EMILIN2: variants seen among roughly 807,000 people sequenced by gnomAD.
EMILIN2 encodes the protein EMILIN-2.
Under a neutral mutation model 87.1 loss-of-function variants are expected in EMILIN2, and 71 were observed. The observed-to-expected ratio is 0.82, with a 90% CI of 0.67 to 0.99. The LOEUF (loss-of-function observed/expected upper bound fraction) is 0.99, where lower values mean the gene tolerates loss of function less well. Among genes scored for constraint, EMILIN2 ranks in the 50% least tolerant of loss-of-function variants. The probability of loss-of-function intolerance (pLI) is 0.00; values close to 1 mark genes in which losing one functional copy is unlikely to be tolerated. For synonymous variants in EMILIN2, 581 were observed against 563.4 expected (o/e 1.03, Z -0.44); for missense variants, 1,407 against 1,371.8 (o/e 1.03, Z -0.40).
chr18:2,913,641 GAAGAC>G lies in EMILIN2; in HGVS notation c.*238_*242del. On this transcript the variant is annotated 3_prime_UTR_variant, in exon 8 of 8. Coordinates refer to ENST00000254528, the MANE Select transcript of EMILIN2 (RefSeq NM_032048.3). ...TTCTGCCACTCTAACTGGACAACTG[GAAGAC>G]TTGGAAAGGCCTCCACCTGTATCTA... is the stretch of plus-strand genomic sequence containing the variant. 2.0e-5 allele frequency: 7 copies of G among 353,672 alleles called. No individual in the cohort carries two copies. Among genetic ancestry groups the G allele is most frequent in the South Asian group, 1.1e-4 (1 of 9,270 alleles). 21.9% of individuals were successfully genotyped at this position (353,672 alleles called of 1,614,324 possible).
At chr18:2,899,646 A>T (rs2144054787) in intron 4 of EMILIN2, among the ~76,000 whole-genome samples, 1 of 151,976 alleles carries the variant, frequency 6.6e-6, no homozygotes, top group East Asian at 1.9e-4. Context: ...CTGGGATTAC[A>T]GGCGCCCACC....
At chr18:2,871,596 A>T (rs142499709) in intron 2 of EMILIN2, among the ~76,000 whole-genome samples, 1 of 152,276 alleles carries the variant, frequency 6.6e-6, no homozygotes, top group Non-Finnish European at 1.5e-5. Context: ...GAGGACGTGG[A>T]GATTTGGCAC....
rs953133246 is a variant in EMILIN2, at chr18:2,866,054, G to A, written c.257+18123G>A. Among the ~76,000 whole-genome samples the A allele has an allele frequency of 3.9e-5, 6 of 152,332 alleles. No homozygotes were observed. The South Asian group carries it at 6.2e-4, about 16-fold the overall frequency. Reference sequence around the variant, plus strand: ...GTGTGTGCTGTTTGCTAAGACCATTGGAAAAGTGCAGTATTAGGGTGGGAG... The same window carrying A: ...GTGTGTGCTGTTTGCTAAGACCATTAGAAAAGTGCAGTATTAGGGTGGGAG... On this transcript the variant is annotated intron_variant, in intron 2 of 7. Transcript: ENST00000254528.
intron 7 of EMILIN2, among the ~76,000 whole-genome samples, chr18:2,912,516 C>T (rs28617563): frequency 2.3e-3 from 345 of 152,302 alleles, no homozygotes; most frequent in African/African-American, 7.7e-3. Context: ...TTCTGCTTAG[C>T]GAATTGTGAC....
chr18:2,892,453 T>G lies in EMILIN2; in HGVS notation c.2326T>G (p.Leu776Val), dbSNP rs1219783206. The G allele has an allele frequency of 1.2e-6, 2 of 1,603,000 alleles. No individual in the cohort carries two copies. The highest frequency in any genetic ancestry group is 1.3e-5 in the African/African-American group (1 of 74,794). The change falls in exon 4 of 8, where the codon TTG (leucine) becomes GTG (valine). Residue 776 changes from leucine (L) to valine (V), a missense_variant. By Grantham distance (32) the Leu-to-Val change is conservative. Transcript: ENST00000254528. ...YSHVFQISTD[L>V]QDLVKFQPSA... ...CCACGTCTTCCAGATTTCTACTGATTTGCAAGATCTGGTCAAATTTCAGCC... is the reference window on the plus strand; with the variant it reads ...CCACGTCTTCCAGATTTCTACTGATGTGCAAGATCTGGTCAAATTTCAGCC...
At chr18:2,887,010 G>A (rs1266554236) in intron 3 of EMILIN2, among the ~76,000 whole-genome samples, 1 of 152,014 alleles carries the variant, frequency 6.6e-6, no homozygotes, top group African/African-American at 2.4e-5. Flanking sequence ...CTCTTTCTTG[G>A]CTTAGCCCCT....
intron 4 of EMILIN2, among the ~76,000 whole-genome samples, chr18:2,892,977 G>A (rs138138358): frequency 3.1e-4 from 47 of 151,932 alleles, no homozygotes; most frequent in African/African-American, 1.0e-3. Flanking sequence ...GCTTGAACCT[G>A]GGAGGCAGAG....
intron 2 of EMILIN2, among the ~76,000 whole-genome samples, chr18:2,872,889 T>G (rs1231987349): frequency 6.6e-6 from 1 of 152,206 alleles, no homozygotes; most frequent in Admixed American, 6.5e-5. Flanking sequence ...GGTTTTATAT[T>G]TTATTTGCAA....
intron 3 of EMILIN2, among the ~76,000 whole-genome samples, chr18:2,889,692 CTTTTTT>C (rs34248672): frequency 4.8e-4 from 46 of 96,656 alleles, no homozygotes; most frequent in Non-Finnish European, 5.7e-4. Context: ...TTTTTCTTTT[CTTTTTT>C]TTTTTTTTTT....
At position 2,913,138 on chromosome 18, in the gene EMILIN2, G is replaced by A. The variant is rs368956752; in HGVS notation, c.2896G>A (p.Val966Met). Residue 966 changes from valine to methionine, a missense_variant, in exon 8 of 8, where the codon GTG becomes ATG. By Grantham distance (21) the Val-to-Met change is conservative. Transcript: ENST00000254528. ...CCTCACCCCCGAGAGAGACGCCTACGTGGAAGCAGTGCTGTCGGTCTCCAA... is the reference window on the plus strand; with the variant it reads ...CCTCACCCCCGAGAGAGACGCCTACATGGAAGCAGTGCTGTCGGTCTCCAA... ...ATLTPERDAY[V>M]EAVLSVSNAS... 4.1e-5 allele frequency: 66 copies of A among 1,613,930 alleles called. No individual in the cohort carries two copies. In the Admixed American group the frequency reaches 6.3e-4, roughly 15 times the overall value.
At chr18:2,911,422 C>T (rs913719452) in intron 7 of EMILIN2, among the ~76,000 whole-genome samples, 20 of 152,336 alleles carry the variant, frequency 1.3e-4, no homozygotes, top group Admixed American at 1.2e-3. Context: ...CCTCTTAATG[C>T]ACATGCATGA....
At chr18:2,908,335 G>A (rs908676341) in intron 5 of EMILIN2, among the ~76,000 whole-genome samples, 3 of 151,862 alleles carry the variant, frequency 2.0e-5, no homozygotes, top group Non-Finnish European at 2.9e-5. Context: ...TCCACCCATC[G>A]ATACATCCAT....
At chr18:2,858,861 C>T (rs1206399311) in intron 2 of EMILIN2, among the ~76,000 whole-genome samples, 3 of 151,716 alleles carry the variant, frequency 2.0e-5, no homozygotes, top group African/African-American at 7.3e-5. Flanking sequence ...GTCTCGAACT[C>T]CTGACCTCAA....
Position 2,890,709 on chromosome 18 carries a change from C to T in EMILIN2, c.582C>T (p.Leu194=), listed in dbSNP as rs778716795. Residue 194 remains leucine, a synonymous_variant, in exon 4 of 8, where the codon CTC becomes CTT. Coordinates refer to ENST00000254528, the MANE Select transcript of EMILIN2 (RefSeq NM_032048.3). This position sits in a 1 kb window ranked among gnomAD's most constrained non-coding sequence, Gnocchi z 4.7. ...IQVLEEKVLR[L]TRTVLDLQSS... ...TGCTAGAGGAGAAGGTTCTTCGACT[C>T]ACAAGGACGGTTCTTGACCTCCAGT... The T allele has an allele frequency of 3.7e-6, 6 of 1,614,144 alleles. No individual in the cohort carries two copies. Among genetic ancestry groups the T allele is most frequent in the Non-Finnish European group, 8.5e-7 (1 of 1,180,040 alleles).
At chr18:2,853,091 C>T (rs9954931) in intron 2 of EMILIN2, among the ~76,000 whole-genome samples, 38,634 of 152,076 alleles carry the variant, frequency 0.25, 4,976 homozygotes, top group Non-Finnish European at 0.27. Context: ...GACCTGTGGA[C>T]TCTAAATAAC....
chr18:2,869,988 CACG>C (rs2076711675), intron 2 of EMILIN2, among the ~76,000 whole-genome samples: 1 of 152,084 alleles, frequency 6.6e-6, no homozygotes, highest in Admixed American at 6.5e-5. Flanking sequence ...ACACCTGTAA[CACG>C]ACACTTTGGG....
chr18:2,855,437 C>T (rs771941129), intron 2 of EMILIN2, among the ~76,000 whole-genome samples: 4 of 152,224 alleles, frequency 2.6e-5, no homozygotes, highest in Non-Finnish European at 4.4e-5. Flanking sequence ...CAGTGAATAG[C>T]ATTCAAATAG....
chr18:2,890,516 A>G lies in EMILIN2; in HGVS notation c.434-45A>G. ...TTATTGTCTTGGCAGAATCTGGCTAAAGGTAGAAAATGTTCATTCATGTCC... is the reference window on the plus strand; with the variant it reads ...TTATTGTCTTGGCAGAATCTGGCTAGAGGTAGAAAATGTTCATTCATGTCC... On this transcript the variant is annotated intron_variant, in intron 3 of 7. Coordinates refer to ENST00000254528, the MANE Select transcript of EMILIN2 (RefSeq NM_032048.3). This position sits in a 1 kb window ranked among gnomAD's most constrained non-coding sequence, Gnocchi z 4.7. 1 of 1,515,838 alleles carries G rather than the reference A, an allele frequency of 6.6e-7. No homozygotes were observed. The highest frequency in any genetic ancestry group is 8.8e-7 in the Non-Finnish European group (1 of 1,132,204). The allele number at this position is 1,515,838 out of a possible 1,614,324, so 93.9% of individuals were successfully genotyped here.
intron 4 of EMILIN2, 55 bp from the exon 5 acceptor site, chr18:2,906,728 G>T: frequency 1.7e-6 from 2 of 1,208,290 alleles, no homozygotes; most frequent in Non-Finnish European, 2.1e-6. Context: ...TGACGGGGCA[G>T]TCAGGGCTGA....
Sources: gnomAD v4.1 joint callset for allele counts (sites outside exome capture counted in the v4.1 genomes callset) on GRCh38, gnomAD v4.1.1 for gene constraint, Gnocchi (gnomAD v3.1) non-coding constraint, MANE v1.5 for transcripts, NCBI Gene and HGNC (gene_info 2026-07-23, HGNC 2026-07-21) for gene names.